The following PCDHB16 variants were observed in gnomAD, a reference collection of about 807,000 sequenced individuals.
PCDHB16 encodes protocadherin beta-16.
For missense variants in PCDHB16, 1,026 were observed against 989.9 expected, an observed-to-expected ratio of 1.04 and a Z score of -0.49; for synonymous variants, 444 against 436.5, an observed-to-expected ratio of 1.02 and a Z score of -0.21.
At position 141,183,795 on chromosome 5, in the gene PCDHB16, A is replaced by C; in HGVS notation, c.1236A>C (p.Glu412Asp). The change falls in exon 1 of 1, where the codon GAA (glutamate) becomes GAC (aspartate). Residue 412 changes from glutamate to aspartate, a missense_variant. Transcript: ENST00000609684. ...TAACGGAGAGAGCACTCGACAGAGA[A>C]GCAAGAGCTGAATATAATATCACCC... Reference protein sequence around the residue: ...TLVTERALDREARAEYNITLT... With the variant: ...TLVTERALDRDARAEYNITLT... 6.2e-7 allele frequency: 1 copy of C among 1,614,184 alleles called. No homozygotes were observed. The highest frequency in any genetic ancestry group is 2.2e-5 in the East Asian group (1 of 44,882).
In PCDHB16 at chr5:141,183,507, A is replaced by C. The variant is rs1554282157; in HGVS notation, c.948A>C (p.Glu316Asp). The part of the protein sequence containing the change: ...QVDFEMVTSY[E>D]VRIKATDGGG... ...ATTTCGAAATGGTTACGTCTTATGA[A>C]GTGCGCATCAAAGCCACAGATGGGG... Residue 316 changes from glutamate to aspartate, a missense_variant, in exon 1 of 1, where the codon GAA becomes GAC. Glu to Asp is a conservative substitution (Grantham distance 45, BLOSUM62 2). Transcript: ENST00000609684. 1 of 1,614,248 alleles carries C rather than the reference A, an allele frequency of 6.2e-7. No individual in the cohort carries two copies. The highest frequency in any genetic ancestry group is 2.2e-5 in the East Asian group (1 of 44,886).
chr5:141,182,540 C>G lies in PCDHB16; in HGVS notation c.-20C>G. 6.6e-7 allele frequency: 1 copy of G among 1,508,492 alleles called. No individual in the cohort carries two copies. The highest frequency in any genetic ancestry group is 1.4e-5 in the South Asian group (1 of 71,868). 93.4% of individuals were successfully genotyped at this position (1,508,492 alleles called of 1,614,324 possible). A position where few individuals can be genotyped will look rare whatever the true frequency, so the allele number is the denominator to read the frequency against. ...GGGGATACATGAAGCTTCTGTGAAC[C>G]AACTTTTCAAGAAAAAGCAATGGAG... On this transcript the variant is annotated 5_prime_UTR_variant, in exon 1 of 1. Coordinates refer to ENST00000609684, the MANE Select transcript of PCDHB16 (RefSeq NM_020957.4).
Position 141,182,445 on chromosome 5 carries a change from C to A in PCDHB16, c.-115C>A. 3 of 871,738 alleles carry A rather than the reference C, an allele frequency of 3.4e-6. No homozygotes were observed. The South Asian group carries it at 9.7e-5, about 28-fold the overall frequency. The allele number at this position is 871,738 out of a possible 1,614,324, so 54.0% of individuals were successfully genotyped here. The stretch of plus-strand genomic sequence containing the variant: ...AGCCAGAGCGAACGTGAGTGTGAAA[C>A]CTCTTTAAGACACCGTTGGGCTGCT... On this transcript the variant is annotated 5_prime_UTR_variant, in exon 1 of 1. Coordinates refer to ENST00000609684, the MANE Select transcript of PCDHB16 (RefSeq NM_020957.4).
Position 141,182,748 on chromosome 5 carries a change from G to A in PCDHB16, c.189G>A (p.Lys63=), listed in dbSNP as rs1554282016. The change falls in exon 1 of 1, where the codon AAG becomes AAA. Residue 63 remains lysine, a synonymous_variant. Coordinates refer to ENST00000609684, the MANE Select transcript of PCDHB16 (RefSeq NM_020957.4). The part of the protein sequence containing the change: ...GLGLTEMSTR[K]ARIISQGNKQ... ...GGTTGACAGAGATGTCCACCCGCAA[G>A]GCCAGGATCATTTCCCAGGGGAACA... 2 of 1,612,698 alleles carry A rather than the reference G, an allele frequency of 1.2e-6. No individual in the cohort carries two copies. Among genetic ancestry groups the A allele is most frequent in the Non-Finnish European group, 1.7e-6 (2 of 1,178,910 alleles).
chr5:141,183,264 C>T lies in PCDHB16; in HGVS notation c.705C>T (p.Ile235=). 6.2e-7 allele frequency: 1 copy of T among 1,614,170 alleles called. No individual in the cohort carries two copies. Residue 235 remains isoleucine, a synonymous_variant, in exon 1 of 1, where the codon ATC becomes ATT. Transcript: ENST00000609684. The part of the protein sequence containing the change: ...TAQVRIEVVD[I]NDNAPEFEQP... Reference sequence around the variant, plus strand: ...AGGTCCGTATTGAAGTGGTGGACATCAATGATAACGCTCCTGAGTTTGAGC... The same window carrying T: ...AGGTCCGTATTGAAGTGGTGGACATTAATGATAACGCTCCTGAGTTTGAGC...
chr5:141,185,820 G>A lies in PCDHB16; in HGVS notation c.*930G>A, dbSNP rs1753718063. 6 of 975,456 alleles carry A rather than the reference G, an allele frequency of 6.2e-6. No homozygotes were observed. The highest frequency in any genetic ancestry group is 6.1e-6 in the Non-Finnish European group (5 of 815,126). The allele number at this position is 975,456 out of a possible 1,614,324, so 60.4% of individuals were successfully genotyped here. On this transcript the variant is annotated 3_prime_UTR_variant, in exon 1 of 1. Transcript: ENST00000609684. Reference sequence around the variant, plus strand: ...ATAAAATAAAATATTCCTATTGTAAGTGATATGAGAAATCTTTAACCAGCC... The same window carrying A: ...ATAAAATAAAATATTCCTATTGTAAATGATATGAGAAATCTTTAACCAGCC...
chr5:141,184,461 C>T lies in PCDHB16; in HGVS notation c.1902C>T (p.Asp634=). 8 of 1,608,570 alleles carry T rather than the reference C, an allele frequency of 5.0e-6. No homozygotes were observed. The highest frequency in any genetic ancestry group is 2.5e-6 in the Non-Finnish European group (3 of 1,179,584). Residue 634 remains aspartate (D), a synonymous_variant, in exon 1 of 1, where the codon GAC becomes GAT. Transcript: ENST00000609684. ...CCGCCAGGCTGCTGAGCGAGCGCGA[C>T]GCAGCCAAGCAGAGGCTGGTGGTGC... The part of the protein sequence containing the change: ...VRTARLLSER[D]AAKQRLVVLV...
In PCDHB16 at chr5:141,183,563, T is replaced by G; in HGVS notation, c.1004T>G (p.Leu335Arg). 1 of 1,614,114 alleles carries G rather than the reference T, an allele frequency of 6.2e-7. No individual in the cohort carries two copies. The highest frequency in any genetic ancestry group is 8.5e-7 in the Non-Finnish European group (1 of 1,180,038). ...GGLSGKCTLL[L>R]QVVDVNDNPP... ...CTTTCAGGAAAGTGCACTCTTCTCC[T>G]GCAGGTGGTGGACGTGAATGACAAT... Residue 335 changes from leucine to arginine, a missense_variant, in exon 1 of 1, where the codon CTG becomes CGG. By Grantham distance (102) the Leu-to-Arg change is moderately radical. Transcript: ENST00000609684.
chr5:141,184,656 G>T lies in PCDHB16; in HGVS notation c.2097G>T (p.Ser699=), dbSNP rs1554282445. The T allele has an allele frequency of 2.5e-6, 4 of 1,611,206 alleles. No individual in the cohort carries two copies. Among genetic ancestry groups the T allele is most frequent in the Non-Finnish European group, 1.7e-6 (2 of 1,178,614 alleles). ...TGGTGGCGTTGGCCTCGGTGTCGTC[G>T]CTCTTCCTCTTTTCGGTGCTCCTGT... ...YLVVALASVS[S]LFLFSVLLFV... Residue 699 remains serine (S), a synonymous_variant, in exon 1 of 1, where the codon TCG becomes TCT. Coordinates refer to ENST00000609684, the MANE Select transcript of PCDHB16 (RefSeq NM_020957.4).
chr5:141,182,441 G>T lies in PCDHB16; in HGVS notation c.-119G>T. Reference sequence around the variant, plus strand: ...GCTGAGCCAGAGCGAACGTGAGTGTGAAACCTCTTTAAGACACCGTTGGGC... The same window carrying T: ...GCTGAGCCAGAGCGAACGTGAGTGTTAAACCTCTTTAAGACACCGTTGGGC... On this transcript the variant is annotated 5_prime_UTR_variant, in exon 1 of 1. Transcript: ENST00000609684. 1.2e-6 allele frequency: 1 copy of T among 852,126 alleles called. No homozygotes were observed. 52.8% of individuals were successfully genotyped at this position (852,126 alleles called of 1,614,324 possible). A position where few individuals can be genotyped will look rare whatever the true frequency, so the allele number is the denominator to read the frequency against.
chr5:141,183,685 G>T lies in PCDHB16; in HGVS notation c.1126G>T (p.Gly376Ter). 1 of 1,614,086 alleles carries T rather than the reference G, an allele frequency of 6.2e-7. No individual in the cohort carries two copies. The highest frequency in any genetic ancestry group is 8.5e-7 in the Non-Finnish European group (1 of 1,180,028). ...TTTCAGCGTTTCAGATCCTGACTCC[G>T]GAAACAATGGGAAGACGATTTCCTC... The part of the protein sequence containing the change: ...AVFSVSDPDS[G>*]NNGKTISSIQ... Residue 376 changes from glycine (G) to a stop codon, truncating the protein, a stop_gained, in exon 1 of 1, where the codon GGA becomes TGA. Transcript: ENST00000609684. LOFTEE classifies it low-confidence loss of function (END_TRUNC).
At position 141,184,010 on chromosome 5, in the gene PCDHB16, C is replaced by T. The variant is rs1348004686; in HGVS notation, c.1451C>T (p.Ala484Val). 2.5e-6 allele frequency: 4 copies of T among 1,607,774 alleles called. No individual in the cohort carries two copies. Among genetic ancestry groups the T allele is most frequent in the South Asian group, 2.2e-5 (2 of 90,656 alleles). The change falls in exon 1 of 1, where the codon GCC (alanine) becomes GTC (valine). Residue 484 changes from alanine (A) to valine (V), a missense_variant. Ala to Val is a moderately conservative substitution (Grantham distance 64). Coordinates refer to ENST00000609684, the MANE Select transcript of PCDHB16 (RefSeq NM_020957.4). ...ACAGACAGAGACTCGGGCACCAACG[C>T]CCAGGTCACCTACTCGCTGCTGCCG... Reference protein sequence around the residue: ...SATDRDSGTNAQVTYSLLPPQ... With the variant: ...SATDRDSGTNVQVTYSLLPPQ...
Position 141,184,844 on chromosome 5 carries a change from G to A in PCDHB16, c.2285G>A (p.Ser762Asn), listed in dbSNP as rs1753682787. 1.9e-6 allele frequency: 3 copies of A among 1,614,220 alleles called. No individual in the cohort carries two copies. Among genetic ancestry groups the A allele is most frequent in the Non-Finnish European group, 2.5e-6 (3 of 1,180,040 alleles). Residue 762 changes from serine to asparagine, a missense_variant, in exon 1 of 1, where the codon AGT (serine) becomes AAT (asparagine). Transcript: ENST00000609684. ...TGTCTGACAGGAGGCTCAGAAACAA[G>A]TGAGTTCAAGTTCCTGAAGCCGATT... ...EVCLTGGSET[S>N]EFKFLKPIIP... is the part of the protein sequence containing the mutation.
chr5:141,186,201 T>C lies in PCDHB16; in HGVS notation c.*1311T>C, dbSNP rs1191569349. ...TCTTTCTAGATATTAGGCCTTTGAA[T>C]AAAATTCTATGTGAGTCAGATTTAA... On this transcript the variant is annotated 3_prime_UTR_variant, in exon 1 of 1. Coordinates refer to ENST00000609684, the MANE Select transcript of PCDHB16 (RefSeq NM_020957.4). 1 of 991,354 alleles carries C rather than the reference T, an allele frequency of 1.0e-6. No individual in the cohort carries two copies. Among genetic ancestry groups the C allele is most frequent in the African/African-American group, 1.8e-5 (1 of 57,060 alleles). 61.4% of individuals were successfully genotyped at this position (991,354 alleles called of 1,614,324 possible).
chr5:141,185,113 G>A lies in PCDHB16; in HGVS notation c.*223G>A. 1 of 1,337,080 alleles carries A rather than the reference G, an allele frequency of 7.5e-7. No individual in the cohort carries two copies. Among genetic ancestry groups the A allele is most frequent in the African/African-American group, 1.5e-5 (1 of 67,330 alleles). The allele number at this position is 1,337,080 out of a possible 1,614,324, so 82.8% of individuals were successfully genotyped here. The stretch of plus-strand genomic sequence containing the variant: ...TTCCTCATATTTACCCCGAAGAGGT[G>A]TTGCATATAGAATCCCAATTAACAA... On this transcript the variant is annotated 3_prime_UTR_variant, in exon 1 of 1. Transcript: ENST00000609684.
chr5:141,183,088 C>A lies in PCDHB16; in HGVS notation c.529C>A (p.His177Asn), dbSNP rs373129199. Residue 177 changes from histidine to asparagine, a missense_variant, in exon 1 of 1, where the codon CAT (histidine) becomes AAT (asparagine). Coordinates refer to ENST00000609684, the MANE Select transcript of PCDHB16 (RefSeq NM_020957.4). ...AAACTATAAAATCAGCCCAAGCTCT[C>A]ATTTCCGGGTTCTAATCCATGAATT... ...VQNYKISPSS[H>N]FRVLIHEFRD... 1 of 1,614,074 alleles carries A rather than the reference C, an allele frequency of 6.2e-7. No individual in the cohort carries two copies. The highest frequency in any genetic ancestry group is 8.5e-7 in the Non-Finnish European group (1 of 1,180,050).
Position 141,185,814 on chromosome 5 carries a change from T to G in PCDHB16, c.*924T>G, listed in dbSNP as rs1053981044. 20 of 982,360 alleles carry G rather than the reference T, an allele frequency of 2.0e-5. No individual in the cohort carries two copies. The African/African-American group carries it at 2.7e-4, about 13-fold the overall frequency. 60.9% of individuals were successfully genotyped at this position (982,360 alleles called of 1,614,324 possible). A position where few individuals can be genotyped will look rare whatever the true frequency, so the allele number is the denominator to read the frequency against. On this transcript the variant is annotated 3_prime_UTR_variant, in exon 1 of 1. Coordinates refer to ENST00000609684, the MANE Select transcript of PCDHB16 (RefSeq NM_020957.4). ...CCTTAAATAAAATAAAATATTCCTA[T>G]TGTAAGTGATATGAGAAATCTTTAA...
In PCDHB16 at chr5:141,183,330, TG is replaced by T. The variant is rs1753615007; in HGVS notation, c.773del (p.Gly258AlafsTer12). 6.2e-7 allele frequency: 1 copy of T among 1,614,070 alleles called. No individual in the cohort carries two copies. The highest frequency in any genetic ancestry group is 1.7e-5 in the Admixed American group (1 of 60,004). On this transcript the variant is annotated frameshift_variant, in exon 1 of 1. Coordinates refer to ENST00000609684, the MANE Select transcript of PCDHB16 (RefSeq NM_020957.4). LOFTEE classifies it low-confidence loss of function (END_TRUNC). ...TGCAGATTCCAGAGAACAGTCCTCT[TG>T]GCTCCCTGGTTGCCACCGTCTCCGC... ...KVQIPENSPL[G>X]SLVATVSARD...
chr5:141,186,122 A>C lies in PCDHB16; in HGVS notation c.*1232A>C. 2 of 998,318 alleles carry C rather than the reference A, an allele frequency of 2.0e-6. No individual in the cohort carries two copies. Among genetic ancestry groups the C allele is most frequent in the Non-Finnish European group, 2.4e-6 (2 of 828,352 alleles). 61.8% of individuals were successfully genotyped at this position (998,318 alleles called of 1,614,324 possible). A position where few individuals can be genotyped will look rare whatever the true frequency, so the allele number is the denominator to read the frequency against. ...GGCGGTATCTAGCCCTTTCTCTGTA[A>C]AATATCCCTATGTTTAATCTGTATT... On this transcript the variant is annotated 3_prime_UTR_variant, in exon 1 of 1. Coordinates refer to ENST00000609684, the MANE Select transcript of PCDHB16 (RefSeq NM_020957.4).
Sources: allele counts gnomAD v4.1 joint callset, GRCh38; gene constraint gnomAD v4.1.1; transcripts MANE v1.5; gene names NCBI Gene and HGNC (gene_info 2026-07-23, HGNC 2026-07-21).